The following PDE7B variants were observed in gnomAD, a reference collection of about 807,000 sequenced individuals.
The protein encoded by PDE7B is 3',5'-cyclic-AMP phosphodiesterase 7B.
Under a neutral mutation model 56.2 loss-of-function variants are expected in PDE7B, and 29 were observed. The observed-to-expected ratio is 0.52, with a 90% CI of 0.38 to 0.70. PDE7B has a LOEUF of 0.70. Ranked by LOEUF, PDE7B falls within the 30% of genes least tolerant of loss-of-function variation. The pLI is 0.00. For missense variants in PDE7B, 490 were observed against 565.0 expected, an observed-to-expected ratio of 0.87 and a Z score of 1.35; for synonymous variants, 197 against 196.9, an observed-to-expected ratio of 1.00 and a Z score of 0.00.
At chr6:135,986,134 G>A (rs547232670) in intron 2 of PDE7B, among the ~76,000 whole-genome samples, 1 of 152,294 alleles carries the variant, frequency 6.6e-6, no homozygotes, top group East Asian at 1.9e-4. Context: ...TACTGAATCT[G>A]CAAAGAACAC....
At chr6:135,964,324 C>T (rs751415063) in intron 2 of PDE7B, among the ~76,000 whole-genome samples, 18 of 152,072 alleles carry the variant, frequency 1.2e-4, no homozygotes, top group Admixed American at 2.0e-4. Context: ...AGGCTGGTCT[C>T]GAACTCCTGA....
At chr6:136,026,085 C>T (rs887783351) in intron 2 of PDE7B, among the ~76,000 whole-genome samples, 2 of 152,142 alleles carry the variant, frequency 1.3e-5, no homozygotes, top group African/African-American at 2.4e-5. Flanking sequence ...TCAGAGACAG[C>T]GGAGTTGCTG....
chr6:136,091,597 A>G (rs1583875988), intron 2 of PDE7B, among the ~76,000 whole-genome samples: 1 of 152,230 alleles, frequency 6.6e-6, no homozygotes, highest in Non-Finnish European at 1.5e-5. Flanking sequence ...CATTGATTCT[A>G]TGAAGTGTGT....
intron 1 of PDE7B, among the ~76,000 whole-genome samples, chr6:135,919,186 C>A (rs1463906895): frequency 6.6e-6 from 1 of 152,080 alleles, no homozygotes; most frequent in African/African-American, 2.4e-5. Flanking sequence ...GAGAACAAGC[C>A]AAGCCAATCT....
chr6:136,124,849 G>A (rs561611736), intron 3 of PDE7B, among the ~76,000 whole-genome samples: 1 of 152,266 alleles, frequency 6.6e-6, no homozygotes, highest in Non-Finnish European at 1.5e-5. Flanking sequence ...AACAGCAGCT[G>A]GAGAGTTTGC....
At chr6:136,070,155 A>G (rs945950757) in intron 2 of PDE7B, 5 of 152,050 alleles carry the variant, frequency 3.3e-5, no homozygotes, top group African/African-American at 1.2e-4. Context: ...ATAAAAAAAA[A>G]AAAACAGAAG....
chr6:136,010,940 A>G (rs1310012522), intron 2 of PDE7B, among the ~76,000 whole-genome samples: 1 of 152,144 alleles, frequency 6.6e-6, no homozygotes, highest in African/African-American at 2.4e-5. Context: ...AGGTTCATTC[A>G]CCTGGGATTA....
chr6:136,095,235 AAC>A (rs1418278878), intron 2 of PDE7B, among the ~76,000 whole-genome samples: 3 of 152,172 alleles, frequency 2.0e-5, no homozygotes, highest in Admixed American at 1.3e-4. Flanking sequence ...CTTCCCTTTA[AAC>A]ACACTTTAAC....
intron 1 of PDE7B, among the ~76,000 whole-genome samples, chr6:135,874,197 C>A (rs1775445980): frequency 6.6e-6 from 1 of 152,134 alleles, no homozygotes; most frequent in Admixed American, 6.6e-5. Flanking sequence ...ACAGCAAGTG[C>A]AAATGCCTGG....
At chr6:135,908,924 C>G (rs557973865) in intron 1 of PDE7B, among the ~76,000 whole-genome samples, 1 of 152,294 alleles carries the variant, frequency 6.6e-6, no homozygotes, top group Non-Finnish European at 1.5e-5. Flanking sequence ...CACAAGTTTA[C>G]CTGGTATCTC....
Position 136,193,278 on chromosome 6 carries a change from A to C in PDE7B, c.*1438A>C, listed in dbSNP as rs952836890. On this transcript the variant is annotated 3_prime_UTR_variant, in exon 13 of 13. Coordinates refer to ENST00000308191, the MANE Select transcript of PDE7B (RefSeq NM_018945.4). Reference sequence around the variant, plus strand: ...TACTTTTGGTGTTTGGTTGGTGTGCATTTCTTTAGTGTCGATAGTAACTGG... The same window carrying C: ...TACTTTTGGTGTTTGGTTGGTGTGCCTTTCTTTAGTGTCGATAGTAACTGG... The C allele has an allele frequency of 6.6e-6, 1 of 152,616 alleles. No individual in the cohort carries two copies. The highest frequency in any genetic ancestry group is 6.6e-5 in the Admixed American group (1 of 15,266). 9.5% of individuals were successfully genotyped at this position (152,616 alleles called of 1,614,324 possible). A position where few individuals can be genotyped will look rare whatever the true frequency, so the allele number is the denominator to read the frequency against.
intron 8 of PDE7B, among the ~76,000 whole-genome samples, chr6:136,158,706 T>C (rs986575058): frequency 2.6e-5 from 4 of 152,288 alleles, no homozygotes; most frequent in Non-Finnish European, 5.9e-5. Context: ...GCCAACCAAG[T>C]TCAATATGAA....
intron 2 of PDE7B, among the ~76,000 whole-genome samples, chr6:135,953,059 T>C (rs941322436): frequency 2.6e-5 from 4 of 152,052 alleles, no homozygotes; most frequent in Non-Finnish European, 5.9e-5. Context: ...TCTGGTTTGA[T>C]TTTTTTTAAA....
chr6:136,119,759 TGAAA>T (rs1777898054), intron 3 of PDE7B, among the ~76,000 whole-genome samples: 1 of 152,236 alleles, frequency 6.6e-6, no homozygotes, highest in African/African-American at 2.4e-5. Context: ...AGCAAAGCTA[TGAAA>T]GAGTTAACCA....
chr6:136,161,125 G>A (rs1331244599), intron 8 of PDE7B, among the ~76,000 whole-genome samples: 1 of 152,002 alleles, frequency 6.6e-6, no homozygotes, highest in East Asian at 1.9e-4. Flanking sequence ...AGAGTATGTT[G>A]TCTGTACTCT....
chr6:136,081,458 TG>T (rs910046395), intron 2 of PDE7B, among the ~76,000 whole-genome samples: 2 of 152,242 alleles, frequency 1.3e-5, no homozygotes, highest in African/African-American at 4.8e-5. Context: ...ATTTGTTTGT[TG>T]GGGGGATGGT....
chr6:136,001,282 A>T (rs548015221), intron 2 of PDE7B, among the ~76,000 whole-genome samples: 6 of 152,320 alleles, frequency 3.9e-5, no homozygotes, highest in Middle Eastern at 3.4e-3. Context: ...AAACTCTAAA[A>T]AGCAGAGCAC....
chr6:136,160,986 A>G (rs1278709804), intron 8 of PDE7B, among the ~76,000 whole-genome samples: 1 of 152,164 alleles, frequency 6.6e-6, no homozygotes, highest in African/African-American at 2.4e-5. Flanking sequence ...TCATAGATAA[A>G]AACAAAACAA....
intron 2 of PDE7B, among the ~76,000 whole-genome samples, chr6:136,010,509 G>A (rs921664045): frequency 6.6e-6 from 1 of 151,170 alleles, no homozygotes; most frequent in East Asian, 1.9e-4. Flanking sequence ...GGGTTCAAGC[G>A]ATTCTCCTGC....
Sources: gnomAD v4.1 joint callset for allele counts (sites outside exome capture counted in the v4.1 genomes callset) on GRCh38, gnomAD v4.1.1 for gene constraint, MANE v1.5 for transcripts, NCBI Gene and HGNC (gene_info 2026-07-23, HGNC 2026-07-21) for gene names.